The following LARP6 variants were observed in gnomAD, a reference collection of about 807,000 sequenced individuals.
LARP6 encodes the protein la-related protein 6.
A neutral mutation model predicts 32.8 loss-of-function variants in LARP6; 18 were observed. The observed-to-expected ratio is 0.55, with a 90% CI of 0.38 to 0.81. LARP6 has a LOEUF of 0.81. LARP6 is among the 40% of genes least tolerant of loss of function. The pLI, the probability that LARP6 is intolerant of heterozygous loss-of-function variation, is 0.00. For missense variants in LARP6, 598 were observed against 663.1 expected, an observed-to-expected ratio of 0.90 and a Z score of 1.08; for synonymous variants, 289 against 267.2, an observed-to-expected ratio of 1.08 and a Z score of -0.80.
At position 70,830,126 on chromosome 15, in the gene LARP6, C is replaced by T. The variant is rs1165255457; in HGVS notation, c.*1926G>A. The T allele has an allele frequency of 6.6e-6, 1 of 152,322 alleles. No homozygotes were observed. The highest frequency in any genetic ancestry group is 2.4e-5 in the African/African-American group (1 of 41,472). 9.4% of individuals were successfully genotyped at this position (152,322 alleles called of 1,614,324 possible). A position where few individuals can be genotyped will look rare whatever the true frequency, so the allele number is the denominator to read the frequency against. Reference sequence around the variant, plus strand: ...TAGGCACAAGCCTTCAGGCTACCTACAGCTGGTAGTGCTGGAAATGGCAAA... The same window carrying T: ...TAGGCACAAGCCTTCAGGCTACCTATAGCTGGTAGTGCTGGAAATGGCAAA... On this transcript the variant is annotated 3_prime_UTR_variant, in exon 3 of 3. Coordinates refer to ENST00000299213, the MANE Select transcript of LARP6 (RefSeq NM_018357.4).
chr15:70,848,585 A>G (rs555412786), intron 1 of LARP6, among the ~76,000 whole-genome samples: 3 of 152,282 alleles, frequency 2.0e-5, no homozygotes, highest in East Asian at 1.9e-4. Context: ...TACAAAAATT[A>G]GCCGGGCATG....
chr15:70,846,654 TA>T (rs979790524), intron 1 of LARP6, among the ~76,000 whole-genome samples: 5 of 83,724 alleles, frequency 6.0e-5, no homozygotes, highest in East Asian at 3.6e-4. Flanking sequence ...ACATACATAA[TA>T]AAAAAAAAAC....
chr15:70,848,381 T>C (rs891046507), intron 1 of LARP6, among the ~76,000 whole-genome samples: 5 of 152,066 alleles, frequency 3.3e-5, no homozygotes, highest in African/African-American at 7.2e-5. Context: ...TAGTTTGGAG[T>C]AGAGACTACG....
intron 1 of LARP6, among the ~76,000 whole-genome samples, chr15:70,837,198 C>T (rs2032163485): frequency 7.3e-6 from 1 of 137,388 alleles, no homozygotes; most frequent in Admixed American, 8.6e-5. Context: ...GAGTGGGACC[C>T]CTGTTGCTAC....
chr15:70,834,448 G>A (rs2032110960), intron 2 of LARP6, among the ~76,000 whole-genome samples: 1 of 152,360 alleles, frequency 6.6e-6, no homozygotes, highest in South Asian at 2.1e-4. Flanking sequence ...GGAAAGCCAG[G>A]CAGTGGCTCA....
At chr15:70,850,838 G>A (rs1415447894) in intron 1 of LARP6, among the ~76,000 whole-genome samples, 1 of 151,906 alleles carries the variant, frequency 6.6e-6, no homozygotes, top group East Asian at 1.9e-4. Context: ...ATAAGATCAT[G>A]AGAACATTAC....
chr15:70,849,299 G>C (rs2032404513), intron 1 of LARP6: 1 of 152,766 alleles, frequency 6.5e-6, no homozygotes, highest in South Asian at 2.1e-4. Flanking sequence ...GGAGGTTGCA[G>C]TGAGCCAAGA....
In LARP6 at chr15:70,832,265, A is replaced by G; in HGVS notation, c.1263T>C (p.Ser421=). ...EIFRKCMDYS[S]DSSVTPSGSP... is the part of the protein sequence containing the mutation. ...TGCCAGAGGGAGTGACGCTGCTGTC[A>G]GAGGAATAATCCATACACTTGCGGA... Residue 421 remains serine, a synonymous_variant, in exon 3 of 3, where the codon TCT becomes TCC. Coordinates refer to ENST00000299213, the MANE Select transcript of LARP6 (RefSeq NM_018357.4). 1 of 1,614,206 alleles carries G rather than the reference A, an allele frequency of 6.2e-7. No homozygotes were observed. The highest frequency in any genetic ancestry group is 1.7e-5 in the Admixed American group (1 of 60,032).
At chr15:70,841,609 C>T (rs1442152466) in intron 1 of LARP6, among the ~76,000 whole-genome samples, 2 of 152,052 alleles carry the variant, frequency 1.3e-5, no homozygotes, top group Non-Finnish European at 2.9e-5. Flanking sequence ...AGCACCACTC[C>T]CTTGGTGCTG....
In LARP6 at chr15:70,853,890, TG is replaced by T; in HGVS notation, c.198del (p.His66GlnfsTer27). The T allele has an allele frequency of 1.5e-6, 2 of 1,301,832 alleles. No individual in the cohort carries two copies. Among genetic ancestry groups the T allele is most frequent in the Non-Finnish European group, 2.0e-6 (2 of 1,022,510 alleles). The allele number at this position is 1,301,832 out of a possible 1,614,324, so 80.6% of individuals were successfully genotyped here. On this transcript the variant is annotated frameshift_variant and splice_region_variant, in exon 1 of 3. Coordinates refer to ENST00000299213, the MANE Select transcript of LARP6 (RefSeq NM_018357.4). LOFTEE classifies it high-confidence loss of function. ...SASEEEPSRGHSGTTASGGEN... is the reference protein window; with the variant it reads ...SASEEEPSRGXSGTTASGGEN... The stretch of plus-strand genomic sequence containing the variant: ...TCCCGGGCCAGCCGCCGCGCCTACC[TG>T]TGCCCGCGGCTCGGCTCCTCCTCGC...
At chr15:70,846,017 G>T (rs1237959980) in intron 1 of LARP6, among the ~76,000 whole-genome samples, 1 of 152,194 alleles carries the variant, frequency 6.6e-6, no homozygotes, top group Non-Finnish European at 1.5e-5. Flanking sequence ...TCCACTGGCA[G>T]ACAGAAAGGC....
intron 2 of LARP6, among the ~76,000 whole-genome samples, chr15:70,833,395 G>T (rs1374520493): frequency 6.6e-6 from 1 of 152,202 alleles, no homozygotes; most frequent in Non-Finnish European, 1.5e-5. Context: ...CAAGTTTAGA[G>T]GTTAAATTTG....
intron 1 of LARP6, among the ~76,000 whole-genome samples, chr15:70,848,132 T>C (rs2032380349): frequency 6.6e-6 from 1 of 152,242 alleles, no homozygotes; most frequent in Non-Finnish European, 1.5e-5. Flanking sequence ...TGAAAACATA[T>C]ACAGGTATGT....
intron 1 of LARP6, chr15:70,851,837 G>A: frequency 6.5e-7 from 1 of 1,528,542 alleles, no homozygotes; most frequent in South Asian, 1.2e-5. Context: ...GGTGGGGATT[G>A]GGGGTGGTGG....
chr15:70,847,144 C>T (rs2032362529), intron 1 of LARP6, among the ~76,000 whole-genome samples: 2 of 152,118 alleles, frequency 1.3e-5, no homozygotes, highest in African/African-American at 4.8e-5. Flanking sequence ...CTATCAGGAT[C>T]CTTTGAGGGA....
chr15:70,842,186 T>C lies in LARP6; in HGVS notation c.201-5681A>G, dbSNP rs115735167. Among the ~76,000 whole-genome samples, 817 of 152,142 alleles carry C rather than the reference T, an allele frequency of 5.4e-3. 10 individuals carry two copies. Among genetic ancestry groups the C allele is most frequent in the African/African-American group, 0.019 (784 of 41,488 alleles). ...TCAGCCTCCCAAGTAGCTGGGGCTA[T>C]AGGAATGTGCCATCATGCCTGGCTA... On this transcript the variant is annotated intron_variant, in intron 1 of 2. Transcript: ENST00000299213.
chr15:70,835,515 G>A (rs1343880951), intron 2 of LARP6, among the ~76,000 whole-genome samples: 1 of 152,212 alleles, frequency 6.6e-6, no homozygotes, highest in Non-Finnish European at 1.5e-5. Context: ...GCAGGGAAGA[G>A]GTCCAAGGAG....
Position 70,832,189 on chromosome 15 carries a change from T to C in LARP6, c.1339A>G (p.Ser447Gly). The C allele has an allele frequency of 6.2e-7, 1 of 1,614,008 alleles. No homozygotes were observed. The highest frequency in any genetic ancestry group is 8.5e-7 in the Non-Finnish European group (1 of 1,179,946). ...GAGAGCAGGGGACTCGTACCGGGGC[T>C]TTTCTCCTGGGTCCCCATCTCGGCT... ...RQAEMGTQEK[S>G]PGTSPLLSRK... The change falls in exon 3 of 3, where the codon AGC (serine) becomes GGC (glycine). Residue 447 changes from serine to glycine, a missense_variant. Physicochemically the swap from Ser to Gly is moderately conservative, Grantham distance 56 (BLOSUM62 0). Coordinates refer to ENST00000299213, the MANE Select transcript of LARP6 (RefSeq NM_018357.4).
chr15:70,842,882 G>A (rs952771962), intron 1 of LARP6, among the ~76,000 whole-genome samples: 1 of 152,166 alleles, frequency 6.6e-6, no homozygotes, highest in African/African-American at 2.4e-5. Flanking sequence ...GCTGTCAGCA[G>A]CAACTATGCA....
Sources: gnomAD v4.1 joint callset for allele counts (sites outside exome capture counted in the v4.1 genomes callset) on GRCh38, gnomAD v4.1.1 for gene constraint, MANE v1.5 for transcripts, NCBI Gene and HGNC (gene_info 2026-07-23, HGNC 2026-07-21) for gene names.